SPARCL1: variants seen among roughly 807,000 people sequenced by gnomAD.
The protein encoded by SPARCL1 is SPARC like 1.
A neutral mutation model predicts 67.1 loss-of-function variants in SPARCL1; 52 were observed. That is an observed-to-expected ratio of 0.78 (90% CI 0.62 to 0.98). The LOEUF (loss-of-function observed/expected upper bound fraction) is 0.98, where lower values mean the gene tolerates loss of function less well. SPARCL1 is among the 50% of genes least tolerant of loss of function. The pLI is 0.00. For missense variants in SPARCL1, 717 were observed against 782.4 expected (o/e 0.92, Z 1.00); for synonymous variants, 226 against 267.8 (o/e 0.84, Z 1.52).
intron 7 of SPARCL1, 134 bp downstream of exon 7, chr4:87,490,139 T>G: frequency 1.0e-6 from 1 of 964,958 alleles, no homozygotes; most frequent in Non-Finnish European, 1.5e-6. Context: ...ATTTTTTAAG[T>G]TTCTCCAGTT....
chr4:87,483,082 C>T (rs936984780), intron 7 of SPARCL1, among the ~76,000 whole-genome samples: 4 of 122,710 alleles, frequency 3.3e-5, no homozygotes, highest in South Asian at 2.4e-4. Flanking sequence ...GGATCACTGC[C>T]GTTTTTTTTT....
intron 1 of SPARCL1, among the ~76,000 whole-genome samples, chr4:87,503,130 C>T (rs1027455468): frequency 6.6e-6 from 1 of 152,166 alleles, no homozygotes; most frequent in Non-Finnish European, 1.5e-5. Context: ...AAGCTTTTTC[C>T]TGTTTGTGTT....
chr4:87,477,321 C>T (rs1011603124), intron 10 of SPARCL1, among the ~76,000 whole-genome samples: 6 of 152,174 alleles, frequency 3.9e-5, no homozygotes, highest in African/African-American at 1.4e-4. Flanking sequence ...GTTTTCCCCT[C>T]TAGATAATGG....
At chr4:87,522,569 G>C (rs1725860995) in intron 1 of SPARCL1, among the ~76,000 whole-genome samples, 1 of 150,296 alleles carries the variant, frequency 6.7e-6, no homozygotes, top group Non-Finnish European at 1.5e-5. Context: ...CTTGCTCCAG[G>C]GTCTTTGCAC....
intron 10 of SPARCL1, among the ~76,000 whole-genome samples, chr4:87,477,038 A>G (rs990232371): frequency 3.9e-5 from 6 of 152,244 alleles, no homozygotes; most frequent in African/African-American, 1.4e-4. Flanking sequence ...AAATAAGGCA[A>G]TGATGGCCAA....
chr4:87,485,924 T>A (rs1724037468), intron 7 of SPARCL1, among the ~76,000 whole-genome samples: 1 of 152,194 alleles, frequency 6.6e-6, no homozygotes, highest in African/African-American at 2.4e-5. Flanking sequence ...CCCTTTATCA[T>A]TTTTTATTGT....
At chr4:87,483,841 A>G (rs1170664905) in intron 7 of SPARCL1, among the ~76,000 whole-genome samples, 1 of 152,170 alleles carries the variant, frequency 6.6e-6, no homozygotes, top group Admixed American at 6.5e-5. Context: ...ACGAGTGATT[A>G]TGAGCTTTTT....
chr4:87,494,762 G>T (rs1176019025), intron 3 of SPARCL1, among the ~76,000 whole-genome samples, 164 bp from the exon 4 acceptor site: 1 of 152,098 alleles, frequency 6.6e-6, no homozygotes, highest in Admixed American at 6.6e-5. Flanking sequence ...ACTGAATTTG[G>T]ATTTTATAAA....
intron 1 of SPARCL1, 92 bp from the exon 2 acceptor site, chr4:87,499,677 G>A: frequency 1.1e-6 from 1 of 893,114 alleles, no homozygotes; most frequent in East Asian, 2.6e-5. Context: ...GCTTGATATT[G>A]TCCTTGGCAT....
At chr4:87,527,625 T>C (rs1726103021) in intron 1 of SPARCL1, among the ~76,000 whole-genome samples, 1 of 152,166 alleles carries the variant, frequency 6.6e-6, no homozygotes, top group South Asian at 2.1e-4. Context: ...TACTGGGGAT[T>C]AAATCTCAAA....
intron 1 of SPARCL1, among the ~76,000 whole-genome samples, chr4:87,514,378 G>A (rs1283686261): frequency 2.6e-5 from 4 of 152,144 alleles, no homozygotes; most frequent in African/African-American, 7.2e-5. Flanking sequence ...ACTTGTGCAG[G>A]CTTTTTGAGA....
At position 87,482,358 on chromosome 4, in the gene SPARCL1, C is replaced by G. The variant is rs886438583; in HGVS notation, c.1668+66G>C. The stretch of plus-strand genomic sequence containing the variant: ...AGTATGCAGAGGTAGGTAGCCCCCC[C>G]ACCACGTCTTTCTTCCTCATGCCCT... On this transcript the variant is annotated intron_variant, in intron 8 of 10. Transcript: ENST00000282470. The G allele has an allele frequency of 5.8e-6, 9 of 1,554,020 alleles. No homozygotes were observed. The Admixed American group carries it at 6.8e-5, about 12-fold the overall frequency.
chr4:87,475,435 TATCCATC>T (rs1412012122), intron 10 of SPARCL1, among the ~76,000 whole-genome samples: 1 of 152,200 alleles, frequency 6.6e-6, no homozygotes. Context: ...CTTCCTCCCC[TATCCATC>T]ATCTAGATGT....
intron 1 of SPARCL1, among the ~76,000 whole-genome samples, chr4:87,501,612 C>A (rs951518970): frequency 1.3e-5 from 2 of 151,784 alleles, no homozygotes; most frequent in African/African-American, 2.4e-5. Flanking sequence ...TTTTTATGAA[C>A]ATAGTATTTT....
chr4:87,521,611 T>C (rs1026867708), intron 1 of SPARCL1, among the ~76,000 whole-genome samples: 5 of 152,204 alleles, frequency 3.3e-5, no homozygotes, highest in Non-Finnish European at 7.3e-5. Flanking sequence ...CTTCCTTCCC[T>C]TCTGGGCCTA....
At chr4:87,476,490 A>G (rs1723589421) in intron 10 of SPARCL1, among the ~76,000 whole-genome samples, 1 of 152,146 alleles carries the variant, frequency 6.6e-6, no homozygotes, top group South Asian at 2.1e-4. Context: ...TCCATCTTAA[A>G]TACAAACCCA....
At chr4:87,529,023 C>T (rs1726165786) in intron 1 of SPARCL1, 22 bp downstream of exon 1, 1 of 152,202 alleles carries the variant, frequency 6.6e-6, no homozygotes, top group Non-Finnish European at 1.5e-5. Context: ...TTAGATAATG[C>T]CGTAAATTTA....
intron 1 of SPARCL1, among the ~76,000 whole-genome samples, chr4:87,527,116 C>G (rs1210692940): frequency 6.6e-6 from 1 of 152,146 alleles, no homozygotes; most frequent in Non-Finnish European, 1.5e-5. Flanking sequence ...TCATCAAGAC[C>G]ATGCACTCTG....
chr4:87,499,843 A>G (rs1164531627), intron 1 of SPARCL1, among the ~76,000 whole-genome samples: 1 of 152,092 alleles, frequency 6.6e-6, no homozygotes, highest in Non-Finnish European at 1.5e-5. Context: ...TACTTCTTCG[A>G]GTAAAGACTC....
Sources: allele counts gnomAD v4.1 joint callset (sites outside exome capture counted in the v4.1 genomes callset), GRCh38; gene constraint gnomAD v4.1.1; transcripts MANE v1.5; gene names NCBI Gene and HGNC (gene_info 2026-07-23, HGNC 2026-07-21).